Variants in TMEFF2 observed in about 807,000 individuals in gnomAD.
TMEFF2 encodes tomoregulin-2.
Under a neutral mutation model 53.8 loss-of-function variants are expected in TMEFF2, and 28 were observed. The ratio of observed to expected loss-of-function variants is 0.52; its 90% CI spans 0.39 to 0.71. TMEFF2 has a LOEUF of 0.71. Among genes scored for constraint, TMEFF2 ranks in the 30% least tolerant of loss-of-function variants. The probability of loss-of-function intolerance (pLI) is 0.00; values close to 1 mark genes in which losing one functional copy is unlikely to be tolerated. For synonymous variants in TMEFF2, 162 were observed against 166.3 expected (o/e 0.97, Z 0.20); for missense variants, 353 against 455.2 (o/e 0.78, Z 2.04).
At chr2:192,193,761 TAGAG>T (rs530141565) in intron 1 of TMEFF2, among the ~76,000 whole-genome samples, 1,431 of 47,716 alleles carry the variant, frequency 0.03, 22 homozygotes, top group African/African-American at 0.062. Flanking sequence ...GATAGATAGA[TAGAG>T]AGAGAGAGAG....
At chr2:192,056,219 A>T (rs1480303427) in intron 5 of TMEFF2, among the ~76,000 whole-genome samples, 3 of 152,188 alleles carry the variant, frequency 2.0e-5, no homozygotes, top group African/African-American at 7.2e-5. Context: ...TGCAGAAAAT[A>T]AAGAGCAGCC....
intron 7 of TMEFF2, among the ~76,000 whole-genome samples, chr2:191,980,863 C>T (rs912851703): frequency 3.3e-5 from 5 of 152,096 alleles, no homozygotes; most frequent in Non-Finnish European, 7.4e-5. Context: ...CAGGAACCTT[C>T]GTATTTTTCC....
At chr2:192,158,201 CTG>C (rs1690550881) in intron 4 of TMEFF2, among the ~76,000 whole-genome samples, 3 of 151,978 alleles carry the variant, frequency 2.0e-5, no homozygotes. Flanking sequence ...TTAAGAAAGA[CTG>C]AAACACAGAC....
intron 4 of TMEFF2, among the ~76,000 whole-genome samples, chr2:192,155,567 T>C (rs1448446459): frequency 1.3e-5 from 2 of 152,000 alleles, no homozygotes; most frequent in Non-Finnish European, 2.9e-5. Context: ...TTCTAAGCCA[T>C]AGCTGCTAAT....
At chr2:192,075,483 G>T (rs544660163) in intron 4 of TMEFF2, among the ~76,000 whole-genome samples, 1 of 150,516 alleles carries the variant, frequency 6.6e-6, no homozygotes, top group Admixed American at 6.7e-5. Context: ...CTTCATTTTC[G>T]GTGGCTAAAA....
chr2:192,181,589 G>C (rs909525151), intron 3 of TMEFF2, among the ~76,000 whole-genome samples: 1 of 151,652 alleles, frequency 6.6e-6, no homozygotes, highest in African/African-American at 2.4e-5. Context: ...GGGCTATTTT[G>C]AGGCTTACTG....
chr2:192,029,716 T>C (rs1181041428), intron 5 of TMEFF2, among the ~76,000 whole-genome samples: 1 of 152,210 alleles, frequency 6.6e-6, no homozygotes, highest in African/African-American at 2.4e-5. Context: ...ATTTATCATA[T>C]TAGAAAATGC....
rs532207231 is a variant in TMEFF2, at chr2:192,105,117, T to C, written c.440-47342A>G. 2.6e-5 allele frequency among the ~76,000 whole-genome samples: 4 copies of C among 152,130 alleles called. No homozygotes were observed. The South Asian group carries it at 8.3e-4, about 32-fold the overall frequency. ...ATATAAAGTTTAATTGATGTAGTAA[T>C]GTTGGGCAACATACTCTTTTCATTT... On this transcript the variant is annotated intron_variant, in intron 4 of 9. Transcript: ENST00000272771.
intron 4 of TMEFF2, among the ~76,000 whole-genome samples, chr2:192,080,452 G>A (rs144887178): frequency 0.013 from 1,938 of 152,222 alleles, 46 homozygotes; most frequent in African/African-American, 0.044. Context: ...ATGTTTGTAA[G>A]TTTCCTGAGG....
At chr2:192,057,904 T>A in intron 4 of TMEFF2, 129 bp from the exon 5 acceptor site, 1 of 693,372 alleles carries the variant, frequency 1.4e-6, no homozygotes, top group East Asian at 2.7e-5. Context: ...TTCATAAGAA[T>A]GTCAAAAGCA....
chr2:191,958,097 T>C (rs969359648), intron 7 of TMEFF2, among the ~76,000 whole-genome samples: 1 of 152,194 alleles, frequency 6.6e-6, no homozygotes, highest in Non-Finnish European at 1.5e-5. Context: ...GGGCAGTTCA[T>C]GAACCCATGG....
intron 5 of TMEFF2, among the ~76,000 whole-genome samples, chr2:192,010,231 C>T (rs1016897498): frequency 6.6e-5 from 10 of 152,134 alleles, no homozygotes; most frequent in Admixed American, 2.0e-4. Flanking sequence ...CAGGCTCAAA[C>T]CAGCCGTTCC....
chr2:192,024,892 A>G (rs1686936030), intron 5 of TMEFF2, among the ~76,000 whole-genome samples: 1 of 152,214 alleles, frequency 6.6e-6, no homozygotes, highest in African/African-American at 2.4e-5. Flanking sequence ...TTTCTAAATT[A>G]AGTTCATTGC....
At position 192,042,644 on chromosome 2, in the gene TMEFF2, G is replaced by A. The variant is rs144010500; in HGVS notation, c.536+15035C>T. 5.1e-3 allele frequency among the ~76,000 whole-genome samples: 774 copies of A among 152,296 alleles called. 6 individuals carry two copies. The highest frequency in any genetic ancestry group is 0.018 in the African/African-American group (739 of 41,570). Reference sequence around the variant, plus strand: ...TGAATTTATTGATATGAGCTCACTTGGCAGATATTTAATATTGCATTTAAT... The same window carrying A: ...TGAATTTATTGATATGAGCTCACTTAGCAGATATTTAATATTGCATTTAAT... On this transcript the variant is annotated intron_variant, in intron 5 of 9. Transcript: ENST00000272771.
intron 5 of TMEFF2, among the ~76,000 whole-genome samples, chr2:192,051,463 G>T (rs897009852): frequency 6.6e-6 from 1 of 152,074 alleles, no homozygotes; most frequent in Non-Finnish European, 1.5e-5. Flanking sequence ...ACAATACAAA[G>T]ATTGCAGTTT....
At chr2:192,048,988 G>T (rs1687695101) in intron 5 of TMEFF2, among the ~76,000 whole-genome samples, 1 of 152,170 alleles carries the variant, frequency 6.6e-6, no homozygotes, top group Non-Finnish European at 1.5e-5. Context: ...GGACTACAAA[G>T]AAATATATTT....
chr2:192,178,250 C>G (rs1691098343), intron 4 of TMEFF2: 2 of 150,722 alleles, frequency 1.3e-5, no homozygotes, highest in African/African-American at 4.8e-5. Flanking sequence ...TAATTGATTT[C>G]TTATTAATAA....
intron 4 of TMEFF2, among the ~76,000 whole-genome samples, chr2:192,106,908 C>A (rs1025767316): frequency 3.3e-5 from 5 of 151,612 alleles, no homozygotes; most frequent in African/African-American, 9.7e-5. Flanking sequence ...GGCATTTGAT[C>A]TTGAAATTGG....
chr2:192,170,501 G>A (rs764630217), intron 4 of TMEFF2, among the ~76,000 whole-genome samples: 2 of 151,944 alleles, frequency 1.3e-5, no homozygotes, highest in Non-Finnish European at 2.9e-5. Context: ...TGTGTTTGTG[G>A]CCTTCACCAA....
Sources: allele counts gnomAD v4.1 joint callset (sites outside exome capture counted in the v4.1 genomes callset), GRCh38; gene constraint gnomAD v4.1.1; transcripts MANE v1.5; gene names NCBI Gene and HGNC (gene_info 2026-07-23, HGNC 2026-07-21).